The following ZNF385D variants were observed in gnomAD, a reference collection of about 807,000 sequenced individuals.
ZNF385D encodes the protein zinc finger protein 385D.
In ZNF385D, 15 loss-of-function variants were observed where a neutral mutation model predicts 35.8. The observed-to-expected ratio is 0.42, with a 90% CI of 0.28 to 0.64. The LOEUF (loss-of-function observed/expected upper bound fraction) is 0.64. ZNF385D is among the 30% of genes least tolerant of loss of function. ZNF385D has a pLI of 0.23. For missense variants in ZNF385D, 474 were observed against 494.6 expected, an observed-to-expected ratio of 0.96 and a Z score of 0.39; for synonymous variants, 212 against 186.8, an observed-to-expected ratio of 1.13 and a Z score of -1.10.
intron 3 of ZNF385D, among the ~76,000 whole-genome samples, chr3:21,771,569 A>G (rs1043745743): frequency 6.6e-6 from 1 of 151,904 alleles, no homozygotes; most frequent in Admixed American, 6.6e-5. Context: ...CAATTACCTT[A>G]AAGATGCTCG....
chr3:22,039,255 C>CA (rs376799573), intron 3 of ZNF385D, among the ~76,000 whole-genome samples: 5,293 of 103,956 alleles, frequency 0.051, 206 homozygotes, highest in African/African-American at 0.13. Context: ...TAATCCAAGC[C>CA]AAAAAAAAAA....
At chr3:21,487,994 T>C (rs1225882077) in intron 4 of ZNF385D, among the ~76,000 whole-genome samples, 1 of 152,150 alleles carries the variant, frequency 6.6e-6, no homozygotes, top group African/African-American at 2.4e-5. Flanking sequence ...TCAAGCCAGT[T>C]TTCCTCAAGA....
Position 21,864,019 on chromosome 3 carries a change from G to A in ZNF385D, c.326-198991C>T, listed in dbSNP as rs116274832. 4.1e-3 allele frequency among the ~76,000 whole-genome samples: 624 copies of A among 152,218 alleles called. 5 individuals carry two copies. The highest frequency in any genetic ancestry group is 7.4e-3 in the Non-Finnish European group (501 of 68,004). ...CATGATGCCGGTTCATGGATTATAC[G>A]TTGTGTAACCAAAAAAGTAGTTTCC... On this transcript the variant is annotated intron_variant, in intron 3 of 5. Transcript: ENST00000494108.
chr3:22,119,430 T>G (rs772455819), intron 3 of ZNF385D, among the ~76,000 whole-genome samples: 2 of 152,276 alleles, frequency 1.3e-5, no homozygotes, highest in African/African-American at 4.8e-5. Context: ...AGACATAATT[T>G]GTTGGGGGGA....
rs138058886 is a variant in ZNF385D at position 22,059,061 on chromosome 3, G to C, written c.325+109756C>G. ...AGGACATTGGTAGGACACATTGTTT[G>C]GGGCGGCCAAGCAGCTGGGCAATCA... On this transcript the variant is annotated intron_variant, in intron 3 of 5. Coordinates refer to the ZNF385D transcript ENST00000494108. Among the ~76,000 whole-genome samples the C allele has an allele frequency of 3.0e-4, 46 of 152,328 alleles. 1 individual carries two copies. In the East Asian group the frequency reaches 5.0e-3, roughly 17 times the overall value.
intron 1 of ZNF385D, among the ~76,000 whole-genome samples, chr3:21,693,072 C>G (rs2067337780): frequency 6.6e-6 from 1 of 152,140 alleles, no homozygotes; most frequent in Non-Finnish European, 1.5e-5. Context: ...CAACTTTGTA[C>G]CCAGAGAACT....
intron 2 of ZNF385D, among the ~76,000 whole-genome samples, chr3:22,177,176 G>A (rs1451810179): frequency 6.6e-6 from 1 of 152,154 alleles, no homozygotes; most frequent in Non-Finnish European, 1.5e-5. Flanking sequence ...TGCACTGTGA[G>A]TCCTGCTCTT....
chr3:21,804,666 C>G (rs998678727), intron 3 of ZNF385D, among the ~76,000 whole-genome samples: 1 of 152,166 alleles, frequency 6.6e-6, no homozygotes, highest in Non-Finnish European at 1.5e-5. Flanking sequence ...ATTTTAGTCT[C>G]TCTTGTCCTC....
At chr3:21,808,904 C>T (rs1039106967) in intron 3 of ZNF385D, among the ~76,000 whole-genome samples, 5 of 152,140 alleles carry the variant, frequency 3.3e-5, no homozygotes, top group Non-Finnish European at 5.9e-5. Context: ...AATAGTACCA[C>T]AAAGACTTTG....
At chr3:21,727,892 T>C (rs28735066) in intron 1 of ZNF385D, among the ~76,000 whole-genome samples, 9,331 of 152,096 alleles carry the variant, frequency 0.061, 647 homozygotes, top group African/African-American at 0.17. Context: ...CTATTCACAA[T>C]AGCAAAGACT....
At chr3:21,867,542 T>C (rs900113447) in intron 3 of ZNF385D, among the ~76,000 whole-genome samples, 9 of 152,164 alleles carry the variant, frequency 5.9e-5, no homozygotes, top group Non-Finnish European at 1.2e-4. Flanking sequence ...TCTGTCAAGA[T>C]TGCGTCTTGA....
At chr3:21,617,870 A>G (rs372900561) in intron 2 of ZNF385D, among the ~76,000 whole-genome samples, 4 of 152,204 alleles carry the variant, frequency 2.6e-5, no homozygotes, top group African/African-American at 9.6e-5. Context: ...AGTTGTGTGC[A>G]GCCAGGGAAG....
At chr3:21,596,640 C>CTT (rs34205074) in intron 2 of ZNF385D, among the ~76,000 whole-genome samples, 1 of 134,356 alleles carries the variant, frequency 7.4e-6, no homozygotes, top group Non-Finnish European at 1.6e-5. Flanking sequence ...TCATGCTTGA[C>CTT]TTTTTTTTTT....
At chr3:22,253,005 T>C (rs183429747) in intron 2 of ZNF385D, among the ~76,000 whole-genome samples, 53 of 152,206 alleles carry the variant, frequency 3.5e-4, no homozygotes, top group Non-Finnish European at 5.1e-4. Flanking sequence ...AAGATGATTG[T>C]GCAGGCACAG....
intron 3 of ZNF385D, among the ~76,000 whole-genome samples, chr3:21,864,023 T>A (rs189444084): frequency 6.6e-6 from 1 of 152,266 alleles, no homozygotes; most frequent in East Asian, 1.9e-4. Context: ...TTATACGTTG[T>A]GTAACCAAAA....
At chr3:21,813,846 A>T (rs2073037253) in intron 3 of ZNF385D, among the ~76,000 whole-genome samples, 1 of 152,092 alleles carries the variant, frequency 6.6e-6, no homozygotes, top group Admixed American at 6.5e-5. Context: ...CAGGAAATAC[A>T]GAGAATGCCA....
At position 21,886,680 on chromosome 3, in the gene ZNF385D, G is replaced by T. The variant is rs13315411; in HGVS notation, c.326-221652C>A. On this transcript the variant is annotated intron_variant, in intron 3 of 5. Coordinates refer to the ZNF385D transcript ENST00000494108. ...GTAGAAAGAAATGGAGGTATAGACAGCTGATATATATTTATGTGATAGCAT... is the reference window on the plus strand; with the variant it reads ...GTAGAAAGAAATGGAGGTATAGACATCTGATATATATTTATGTGATAGCAT... 7.0e-3 allele frequency among the ~76,000 whole-genome samples: 1,071 copies of T among 152,226 alleles called. 14 individuals carry two copies. Among genetic ancestry groups the T allele is most frequent in the African/African-American group, 0.023 (972 of 41,532 alleles).
intron 3 of ZNF385D, among the ~76,000 whole-genome samples, chr3:22,120,880 A>G (rs1703057496): frequency 6.6e-6 from 1 of 152,190 alleles, no homozygotes; most frequent in South Asian, 2.1e-4. Context: ...ATTAAAAACA[A>G]TGACTTTTAA....
rs377084298 is a variant in ZNF385D at position 21,734,818 on chromosome 3, A to G, written c.22+16077T>C. On this transcript the variant is annotated intron_variant, in intron 1 of 7. Coordinates refer to ENST00000281523, the MANE Select transcript of ZNF385D (RefSeq NM_024697.3). ...AGCTTGTCTGTAGCTATACCATGGG[A>G]CAGCCAAGTTTTGTTTGAGGTGGAA... Among the ~76,000 whole-genome samples the G allele has an allele frequency of 1.1e-3, 168 of 152,264 alleles. 3 individuals carry two copies. Among genetic ancestry groups the G allele is most frequent in the African/African-American group, 3.7e-3 (152 of 41,544 alleles).
Sources: allele counts gnomAD v4.1 joint callset (sites outside exome capture counted in the v4.1 genomes callset), GRCh38; gene constraint gnomAD v4.1.1; transcripts MANE v1.5; gene names NCBI Gene and HGNC (gene_info 2026-07-23, HGNC 2026-07-21).